ZNF283: variants seen among roughly 807,000 people sequenced by gnomAD.
The protein encoded by ZNF283 is zinc finger protein 41.
Under a neutral mutation model 9.2 loss-of-function variants are expected in ZNF283, and 10 were observed. The observed-to-expected ratio is 1.09, with a 90% CI of 0.67 to 1.85. The LOEUF (loss-of-function observed/expected upper bound fraction) is 1.85, where lower values mean the gene tolerates loss of function less well. Ranked by LOEUF, ZNF283 falls within the 40% of genes most tolerant of loss-of-function variation. The pLI is 0.00. For missense variants in ZNF283, 631 were observed against 760.1 expected, an observed-to-expected ratio of 0.83 and a Z score of 2.00; for synonymous variants, 234 against 244.1, an observed-to-expected ratio of 0.96 and a Z score of 0.38.
Position 43,835,770 on chromosome 19 carries a change from G to A in ZNF283, c.210+178G>A, listed in dbSNP as rs569769583. Among the ~76,000 whole-genome samples, 9 of 152,264 alleles carry A rather than the reference G, an allele frequency of 5.9e-5. No individual in the cohort carries two copies. The South Asian group carries it at 1.0e-3, about 18-fold the overall frequency. On this transcript the variant is annotated intron_variant, in intron 5 of 6. Transcript: ENST00000618787. ...TATGTGAAGCTGCATGTGTTGGGAG[G>A]CGCTTCAGATTAGAGAGAGGGGAGT...
chr19:43,834,555 A>AAT (rs757787976), intron 4 of ZNF283, among the ~76,000 whole-genome samples: 3 of 151,010 alleles, frequency 2.0e-5, no homozygotes, highest in Non-Finnish European at 4.4e-5. Flanking sequence ...AAATGTTATT[A>AAT]ATATATATAG....
chr19:43,843,915 T>A (rs571792459), intron 6 of ZNF283, among the ~76,000 whole-genome samples: 13 of 152,338 alleles, frequency 8.5e-5, no homozygotes, highest in African/African-American at 3.1e-4. Flanking sequence ...ATTTTCCAAC[T>A]ATGTACCATG....
intron 3 of ZNF283, 21 bp downstream of exon 3, chr19:43,831,402 G>A (rs759872637): frequency 6.9e-6 from 11 of 1,587,318 alleles, no homozygotes; most frequent in South Asian, 3.4e-5. Context: ...ATTGTTTCAG[G>A]CCCACTGATT....
chr19:43,832,489 T>C (rs939597072), intron 3 of ZNF283, among the ~76,000 whole-genome samples: 6 of 152,228 alleles, frequency 3.9e-5, no homozygotes, highest in Non-Finnish European at 8.8e-5. Context: ...AATCTCTATG[T>C]AACTTCTGGG....
chr19:43,834,916 A>C (rs1279399389), intron 4 of ZNF283, among the ~76,000 whole-genome samples: 6 of 151,938 alleles, frequency 3.9e-5, no homozygotes, highest in Non-Finnish European at 8.8e-5. Context: ...GAGATGTATA[A>C]CTTTCTAAAC....
At chr19:43,829,796 G>T (rs1970622761) in intron 2 of ZNF283, among the ~76,000 whole-genome samples, 1 of 152,108 alleles carries the variant, frequency 6.6e-6, no homozygotes, top group African/African-American at 2.4e-5. Flanking sequence ...GTCCGAGGCG[G>T]GTGGATCACA....
At position 43,831,346 on chromosome 19, in the gene ZNF283, T is replaced by C. The variant is rs1970700514; in HGVS notation, c.-36T>C. On this transcript the variant is annotated 5_prime_UTR_variant, in exon 3 of 7. Coordinates refer to ENST00000618787, the MANE Select transcript of ZNF283 (RefSeq NM_181845.2). Reference sequence around the variant, plus strand: ...AATCTTGACAGTGAATGTGTCTCATTACATTGAATAACAGCTACAGGATGT... The same window carrying C: ...AATCTTGACAGTGAATGTGTCTCATCACATTGAATAACAGCTACAGGATGT... 8.1e-6 allele frequency: 13 copies of C among 1,596,088 alleles called. No homozygotes were observed. Among genetic ancestry groups the C allele is most frequent in the Non-Finnish European group, 1.1e-5 (13 of 1,178,794 alleles).
At position 43,827,328 on chromosome 19, in the gene ZNF283, C is replaced by T. The variant is rs989558712; in HGVS notation, c.-261C>T. The T allele has an allele frequency of 2.0e-5, 3 of 152,460 alleles. No homozygotes were observed. The highest frequency in any genetic ancestry group is 7.2e-5 in the African/African-American group (3 of 41,446). 9.4% of individuals were successfully genotyped at this position (152,460 alleles called of 1,614,324 possible). A position where few individuals can be genotyped will look rare whatever the true frequency, so the allele number is the denominator to read the frequency against. On this transcript the variant is annotated 5_prime_UTR_variant, in exon 1 of 7. Coordinates refer to ENST00000618787, the MANE Select transcript of ZNF283 (RefSeq NM_181845.2). ...GGGGCGAGCTTGCCTGCCAGAAGCT[C>T]CTCTCCCAGCCTGCGAGCATTTCCA...
chr19:43,837,646 A>G (rs1475237992), intron 6 of ZNF283: 1 of 166,146 alleles, frequency 6.0e-6, no homozygotes, highest in African/African-American at 2.4e-5. Flanking sequence ...AAATAGATAA[A>G]TAGTATGTAA....
chr19:43,846,007 G>A (rs1182762137), intron 6 of ZNF283, among the ~76,000 whole-genome samples: 1 of 152,082 alleles, frequency 6.6e-6, no homozygotes, highest in Non-Finnish European at 1.5e-5. Flanking sequence ...CAATGGTCAA[G>A]AAATAAGTAA....
intron 3 of ZNF283, among the ~76,000 whole-genome samples, chr19:43,832,312 G>A (rs931134408): frequency 2.0e-5 from 3 of 152,186 alleles, no homozygotes; most frequent in African/African-American, 7.2e-5. Context: ...ACATTTTACA[G>A]ATAATATTTC....
intron 5 of ZNF283, among the ~76,000 whole-genome samples, chr19:43,836,117 T>C (rs1039510089): frequency 3.3e-5 from 5 of 152,322 alleles, no homozygotes; most frequent in Non-Finnish European, 7.4e-5. Context: ...AGAAATTTTG[T>C]TCAGCCTAAA....
rs1044192759 is a variant in ZNF283 at position 43,849,516 on chromosome 19, G to A, written c.*875G>A. Reference sequence around the variant, plus strand: ...AATGAGGGAATCAAAATTTTCTAATGCCTGTAACAGCATAAGATAATTTAT... The same window carrying A: ...AATGAGGGAATCAAAATTTTCTAATACCTGTAACAGCATAAGATAATTTAT... On this transcript the variant is annotated 3_prime_UTR_variant, in exon 7 of 7. Transcript: ENST00000618787. The A allele has an allele frequency of 6.6e-6, 1 of 152,182 alleles. No homozygotes were observed. Among genetic ancestry groups the A allele is most frequent in the African/African-American group, 2.4e-5 (1 of 41,444 alleles). 9.4% of individuals were successfully genotyped at this position (152,182 alleles called of 1,614,324 possible). A position where few individuals can be genotyped will look rare whatever the true frequency, so the allele number is the denominator to read the frequency against.
At chr19:43,835,297 G>A (rs910531873) in intron 4 of ZNF283, among the ~76,000 whole-genome samples, 10 of 152,154 alleles carry the variant, frequency 6.6e-5, no homozygotes, top group African/African-American at 2.4e-4. Flanking sequence ...TCGAATCCCA[G>A]GTCCAGATTC....
rs781185508 is a variant in ZNF283 at position 43,848,821 on chromosome 19, A to C, written c.*180A>C. ...AGTGAGAAATATTTTGAATATAATT[A>C]ATATGAAAAGGCCTTTAGACTTCTG... is the stretch of plus-strand genomic sequence containing the variant. On this transcript the variant is annotated 3_prime_UTR_variant, in exon 7 of 7. Transcript: ENST00000618787. The C allele has an allele frequency of 3.4e-5, 18 of 527,012 alleles. No homozygotes were observed. The highest frequency in any genetic ancestry group is 4.7e-5 in the Non-Finnish European group (15 of 317,112). 32.6% of individuals were successfully genotyped at this position (527,012 alleles called of 1,614,324 possible).
intron 6 of ZNF283, among the ~76,000 whole-genome samples, chr19:43,844,091 G>A (rs937352923): frequency 1.3e-5 from 2 of 151,980 alleles, no homozygotes; most frequent in African/African-American, 4.8e-5. Flanking sequence ...AACATCTTTT[G>A]TTTTGTTTTA....
rs372790485 is a variant in ZNF283, at chr19:43,848,257, T to C, written c.1656T>C (p.Phe552=). 1.2e-6 allele frequency: 2 copies of C among 1,613,722 alleles called. No homozygotes were observed. The highest frequency in any genetic ancestry group is 1.3e-5 in the African/African-American group (1 of 74,886). The change falls in exon 7 of 7, where the codon TTT becomes TTC. Residue 552 remains phenylalanine (F), a synonymous_variant. Coordinates refer to ENST00000618787, the MANE Select transcript of ZNF283 (RefSeq NM_181845.2). ...AATGTAAAGAATGTGGGAAGGCTTTTAGTCGTGGCTATCACCTTACTCAAC... is the reference window on the plus strand; with the variant it reads ...AATGTAAAGAATGTGGGAAGGCTTTCAGTCGTGGCTATCACCTTACTCAAC... ...PYECKECGKA[F]SRGYHLTQHQ...
chr19:43,848,735 T>A lies in ZNF283; in HGVS notation c.*94T>A. ...TGAGAAACCTTGTGAATGTAAGGGT[T>A]GTGCAAAAGCCATTCATTTCTGTTT... On this transcript the variant is annotated 3_prime_UTR_variant, in exon 7 of 7. Coordinates refer to ENST00000618787, the MANE Select transcript of ZNF283 (RefSeq NM_181845.2). 7.8e-7 allele frequency: 1 copy of A among 1,288,398 alleles called. No homozygotes were observed. Among genetic ancestry groups the A allele is most frequent in the Non-Finnish European group, 1.0e-6 (1 of 959,682 alleles). The allele number at this position is 1,288,398 out of a possible 1,614,324, so 79.8% of individuals were successfully genotyped here. A position where few individuals can be genotyped will look rare whatever the true frequency, so the allele number is the denominator to read the frequency against.
At chr19:43,844,776 G>A (rs1971345357) in intron 6 of ZNF283, among the ~76,000 whole-genome samples, 1 of 152,158 alleles carries the variant, frequency 6.6e-6, no homozygotes, top group Non-Finnish European at 1.5e-5. Context: ...CCAAATGTCA[G>A]TAGATTTGAG....
Sources: gnomAD v4.1 joint callset for allele counts (sites outside exome capture counted in the v4.1 genomes callset) on GRCh38, gnomAD v4.1.1 for gene constraint, MANE v1.5 for transcripts, NCBI Gene and HGNC (gene_info 2026-07-23, HGNC 2026-07-21) for gene names.